Variants in SCML2 observed in about 807,000 individuals in gnomAD.
The protein encoded by SCML2 is Scm polycomb group protein like 2, also known as sex comb on midleg-like protein 2.
A neutral mutation model predicts 48.4 loss-of-function variants in SCML2; 6 were observed. That is an observed-to-expected ratio of 0.12 (90% confidence interval 0.07 to 0.24). SCML2 has a LOEUF of 0.24. SCML2 is among the 10% of genes least tolerant of loss of function. The pLI is 1.00. For synonymous variants in SCML2, 181 were observed against 189.5 expected (o/e 0.95, Z 0.37); for missense variants, 377 against 528.2 (o/e 0.71, Z 2.81).
At chrX:18,321,108 T>TA (rs1469628041) in intron 5 of SCML2, among the ~76,000 whole-genome samples, 3 of 111,005 alleles carry the variant, frequency 2.7e-5, no homozygotes, top group African/African-American at 9.8e-5. Context: ...GACATGGGGG[T>TA]ACTCACTGTA....
At chrX:18,340,150 C>G (rs1331945201) in intron 1 of SCML2, among the ~76,000 whole-genome samples, 1 of 112,232 alleles carries the variant, frequency 8.9e-6, no homozygotes, top group Non-Finnish European at 1.9e-5. Flanking sequence ...CACAGTGGCT[C>G]ACACCTGTAA....
Position 18,246,588 on chromosome X carries a change from C to T in SCML2, c.1811G>A (p.Arg604Lys), listed in dbSNP as rs750714159. The T allele has an allele frequency of 6.7e-6, 8 of 1,196,164 alleles. No homozygotes were observed. The South Asian group carries it at 1.3e-4, about 19-fold the overall frequency. ...ATTTTTGAACATACCTTCACTTTTC[C>T]TCTGCATTTGGAATTTAACTTCATG... Reference protein sequence around the residue: ...SPHEVKFQMQRKSEAPSYIAV... With the variant: ...SPHEVKFQMQKKSEAPSYIAV... The change falls in exon 13 of 15, where the codon AGG becomes AAG. Residue 604 changes from arginine (R) to lysine (K), a missense_variant. Transcript: ENST00000251900.
intron 11 of SCML2, among the ~76,000 whole-genome samples, chrX:18,250,363 C>A (rs765625466): frequency 2.7e-5 from 3 of 110,802 alleles, no homozygotes; most frequent in Non-Finnish European, 5.7e-5. Context: ...TAGGCACATG[C>A]CACCACGCCT....
chrX:18,325,827 A>G lies in SCML2; in HGVS notation c.92-850T>C, dbSNP rs147521674. Among the ~76,000 whole-genome samples, 258 of 112,063 alleles carry G rather than the reference A, an allele frequency of 2.3e-3. 2 individuals carry two copies. The highest frequency in any genetic ancestry group is 4.6e-3 in the Middle Eastern group (1 of 219). ...CATGAGGCTTTTCTATACTCTTGCT[A>G]AATTTCCTCACTATAAAAATATTGG... On this transcript the variant is annotated intron_variant, in intron 3 of 14. Coordinates refer to ENST00000251900, the MANE Select transcript of SCML2 (RefSeq NM_006089.3).
chrX:18,264,273 T>C (rs1047623755), intron 8 of SCML2, among the ~76,000 whole-genome samples: 3 of 111,702 alleles, frequency 2.7e-5, no homozygotes, highest in African/African-American at 9.7e-5. Flanking sequence ...TATCTTCCAG[T>C]TCATTTACTC....
rs1445944087 is a variant in SCML2 at position 18,320,386 on chromosome X, G to T, written c.432C>A (p.Phe144Leu). ...CAGACCCATTTAGTGTCTTTAAGAG[G>T]AACATCGGCCAGGAGGATGTATTCA... ...YQMNTSSWPM[F>L]LLKTLNGSEM... Residue 144 changes from phenylalanine (F) to leucine (L), a missense_variant, in exon 6 of 15, where the codon TTC (phenylalanine) becomes TTA (leucine). Transcript: ENST00000251900. 8.7e-7 allele frequency: 1 copy of T among 1,155,580 alleles called. No individual in the cohort carries two copies. Among genetic ancestry groups the T allele is most frequent in the Non-Finnish European group, 1.2e-6 (1 of 857,673 alleles).
intron 6 of SCML2, among the ~76,000 whole-genome samples, chrX:18,319,574 G>A (rs1330409065): frequency 2.0e-5 from 2 of 97,878 alleles, no homozygotes; most frequent in African/African-American, 8.1e-5. Context: ...TCCAGCCTGG[G>A]TGACAGGTGA....
intron 7 of SCML2, among the ~76,000 whole-genome samples, chrX:18,273,740 T>C (rs189538470): frequency 9.0e-6 from 1 of 111,515 alleles, no homozygotes; most frequent in East Asian, 2.8e-4. Flanking sequence ...GTTTTACTGC[T>C]CAAATGTTGC....
At chrX:18,302,527 T>C (rs1928627704) in intron 7 of SCML2, among the ~76,000 whole-genome samples, 1 of 111,432 alleles carries the variant, frequency 9.0e-6, no homozygotes, top group Non-Finnish European at 1.9e-5. Flanking sequence ...GCACTCCCTT[T>C]TAACAAGCTC....
chrX:18,348,089 G>A (rs1930260607), intron 1 of SCML2, among the ~76,000 whole-genome samples: 2 of 112,015 alleles, frequency 1.8e-5, no homozygotes, highest in Non-Finnish European at 3.8e-5. Context: ...ACAGATAAAC[G>A]AAAGATAAGT....
chrX:18,313,697 C>T (rs190427277), intron 6 of SCML2, among the ~76,000 whole-genome samples: 1 of 111,737 alleles, frequency 8.9e-6, no homozygotes, highest in East Asian at 2.8e-4. Flanking sequence ...GGCAGCTGTT[C>T]CAAACCTTAA....
chrX:18,343,644 C>T (rs1750136507), intron 1 of SCML2, among the ~76,000 whole-genome samples: 2 of 107,802 alleles, frequency 1.9e-5, no homozygotes, highest in South Asian at 4.1e-4. Flanking sequence ...CCTGTAATCC[C>T]AGCTACTCAG....
rs1480403120 is a variant in SCML2, at chrX:18,242,430, A to T, written c.1974+9T>A. ...TACGGCAGGAAAACCGGATCAAAAGATACATTACATGTTGCCTGAAGAGGT... is the reference window on the plus strand; with the variant it reads ...TACGGCAGGAAAACCGGATCAAAAGTTACATTACATGTTGCCTGAAGAGGT... On this transcript the variant is annotated intron_variant, in intron 14 of 14. Transcript: ENST00000251900. 1 of 1,183,465 alleles carries T rather than the reference A, an allele frequency of 8.4e-7. No individual in the cohort carries two copies. Among genetic ancestry groups the T allele is most frequent in the Non-Finnish European group, 1.1e-6 (1 of 886,206 alleles).
At chrX:18,345,400 A>AT (rs1031813656) in intron 1 of SCML2, among the ~76,000 whole-genome samples, 12 of 108,388 alleles carry the variant, frequency 1.1e-4, no homozygotes, top group South Asian at 4.0e-4. Flanking sequence ...TTTAAAAACA[A>AT]TTTTTTTTTT....
intron 7 of SCML2, among the ~76,000 whole-genome samples, chrX:18,292,571 C>T (rs989332738): frequency 9.1e-6 from 1 of 110,201 alleles, no homozygotes; most frequent in African/African-American, 3.3e-5. Flanking sequence ...CCTTTTCAAA[C>T]GAAAATTGTC....
At position 18,324,102 on chromosome X, in the gene SCML2, A is replaced by G. The variant is rs372920434; in HGVS notation, c.163-9T>C. On this transcript the variant is annotated splice_polypyrimidine_tract_variant and intron_variant, in intron 4 of 14. Coordinates refer to ENST00000251900, the MANE Select transcript of SCML2 (RefSeq NM_006089.3). Reference sequence around the variant, plus strand: ...ACAGGTGGAATCTGAGACTATATATATAAATAAAATTTGGTTAAAATGCAT... The same window carrying G: ...ACAGGTGGAATCTGAGACTATATATGTAAATAAAATTTGGTTAAAATGCAT... 2.1e-5 allele frequency: 24 copies of G among 1,126,409 alleles called. No homozygotes were observed. The African/African-American group carries it at 3.7e-4, about 17-fold the overall frequency. The allele number at this position is 1,126,409 out of a possible 1,213,427, so 92.8% of individuals were successfully genotyped here. A position where few individuals can be genotyped will look rare whatever the true frequency, so the allele number is the denominator to read the frequency against.
chrX:18,340,418 T>C (rs1007963976), intron 1 of SCML2, among the ~76,000 whole-genome samples: 3 of 111,929 alleles, frequency 2.7e-5, no homozygotes, highest in African/African-American at 9.7e-5. Context: ...CAAAAATTAA[T>C]ACATAAAATG....
intron 6 of SCML2, among the ~76,000 whole-genome samples, chrX:18,313,932 G>A (rs1339978043): frequency 1.8e-5 from 2 of 111,256 alleles, no homozygotes; most frequent in African/African-American, 6.5e-5. Context: ...ATGCAGTAGC[G>A]AGATCATGGC....
chrX:18,277,937 C>T (rs929005494), intron 7 of SCML2, among the ~76,000 whole-genome samples: 1 of 110,080 alleles, frequency 9.1e-6, no homozygotes, highest in African/African-American at 3.3e-5. Flanking sequence ...GAAGCCGAGG[C>T]GGGAGGATCA....
Sources: allele counts gnomAD v4.1 joint callset (sites outside exome capture counted in the v4.1 genomes callset), GRCh38; gene constraint gnomAD v4.1.1; transcripts MANE v1.5; gene names NCBI Gene and HGNC (gene_info 2026-07-23, HGNC 2026-07-21).